Variants in G6PD observed in about 807,000 individuals in gnomAD.
The protein encoded by G6PD is glucose-6-phosphate 1-dehydrogenase.
In G6PD, 2 loss-of-function variants were observed where a neutral mutation model predicts 38.2. The observed-to-expected ratio is 0.05, with a 90% confidence interval of 0.02 to 0.16. The LOEUF is 0.16. Among genes scored for constraint, G6PD ranks in the 10% least tolerant of loss-of-function variants. The pLI is 1.00. For synonymous variants in G6PD, 188 were observed against 196.0 expected, an observed-to-expected ratio of 0.96 and a Z score of 0.34; for missense variants, 310 against 471.6, an observed-to-expected ratio of 0.66 and a Z score of 3.17.
Position 154,531,801 on chromosome X carries a change from A to G in G6PD, c.*199T>C. On this transcript the variant is annotated 3_prime_UTR_variant, in exon 13 of 13. Coordinates refer to ENST00000393562, the MANE Select transcript of G6PD (RefSeq NM_001360016.2). ...GGCTCAGGCAGGGTCTGGAGGGGCC[A>G]GGATGGTCTCGAGTGCTTGGCAGCT... 1.6e-6 allele frequency: 1 copy of G among 616,706 alleles called. No homozygotes were observed. Among genetic ancestry groups the G allele is most frequent in the Non-Finnish European group, 2.5e-6 (1 of 403,959 alleles). The allele number at this position is 616,706 out of a possible 1,213,427, so 50.8% of individuals were successfully genotyped here.
At chrX:154,534,001 T>C in intron 7 of G6PD, 34 bp downstream of exon 7, 2 of 1,210,724 alleles carry the variant, frequency 1.7e-6, no homozygotes, top group Non-Finnish European at 2.2e-6. Flanking sequence ...TGCCACCCTG[T>C]GCCAGCCTCC....
In G6PD at chrX:154,532,042, C is replaced by G. The variant is rs1447713922; in HGVS notation, c.1506G>C (p.Gln502His). Reference sequence around the variant, plus strand: ...TCACCCACTTGTAGGTGCCCTCATACTGGAAACCCACTCTCTTCATCAGCT... The same window carrying G: ...TCACCCACTTGTAGGTGCCCTCATAGTGGAAACCCACTCTCTTCATCAGCT... Reference protein sequence around the residue: ...ADELMKRVGFQYEGTYKWVNP... With the variant: ...ADELMKRVGFHYEGTYKWVNP... The change falls in exon 13 of 13, where the codon CAG (glutamine) becomes CAC (histidine). Residue 502 changes from glutamine (Q) to histidine (H), a missense_variant. Gln to His is a conservative substitution (Grantham distance 24). Coordinates refer to ENST00000393562, the MANE Select transcript of G6PD (RefSeq NM_001360016.2). 8.3e-7 allele frequency: 1 copy of G among 1,208,813 alleles called. No homozygotes were observed. Among genetic ancestry groups the G allele is most frequent in the East Asian group, 3.0e-5 (1 of 33,724 alleles).
chrX:154,535,084 G>A (rs1557230539), intron 5 of G6PD, 84 bp downstream of exon 5: 5 of 971,142 alleles, frequency 5.1e-6, no homozygotes, highest in East Asian at 3.1e-5. Context: ...CCAGATCCCC[G>A]GCCCCGGACA....
chrX:154,537,588 C>A (rs1228710543), intron 2 of G6PD, among the ~76,000 whole-genome samples: 6 of 112,417 alleles, frequency 5.3e-5, no homozygotes, highest in South Asian at 7.3e-4. Context: ...GCACTCCAGC[C>A]TGGGCTACAA....
At chrX:154,534,992 A>G in intron 5 of G6PD, 176 bp downstream of exon 5, 1 of 509,650 alleles carries the variant, frequency 2.0e-6, no homozygotes, top group Non-Finnish European at 3.4e-6. Flanking sequence ...TTGGGGAAGC[A>G]GAGCGGAAAG....
rs1557230778 is a variant in G6PD, at chrX:154,536,027, G to A, written c.177C>T (p.Gly59=). Residue 59 remains glycine, a synonymous_variant, in exon 4 of 13, where the codon GGC becomes GGT. Coordinates refer to ENST00000393562, the MANE Select transcript of G6PD (RefSeq NM_001360016.2). ...CGATGAAGGTGTTTTCGGGCAGAAG[G>A]CCATCCCGGAACAGCCACCTGAGGG... The part of the protein sequence containing the change: ...YPTIWWLFRD[G]LLPENTFIVG... 2.5e-6 allele frequency: 3 copies of A among 1,211,753 alleles called. No homozygotes were observed. The highest frequency in any genetic ancestry group is 1.1e-6 in the Non-Finnish European group (1 of 895,169).
chrX:154,535,464 A>G (rs2070397469), intron 4 of G6PD, 79 bp from the exon 5 acceptor site: 1 of 939,446 alleles, frequency 1.1e-6, no homozygotes, highest in Non-Finnish European at 1.5e-6. Context: ...GCCCCAGGGG[A>G]GTGGAGGGTC....
At chrX:154,536,117 G>GTGA in intron 3 of G6PD, 24 bp downstream of exon 3, 2 of 1,210,990 alleles carry the variant, frequency 1.7e-6, no homozygotes, top group African/African-American at 3.5e-5. Context: ...GGAGGTCACA[G>GTGA]GGGCAGTGGT....
chrX:154,544,410 T>G, intron 2 of G6PD, among the ~76,000 whole-genome samples: 1 of 111,420 alleles, frequency 9.0e-6, no homozygotes, highest in Non-Finnish European at 1.9e-5. Flanking sequence ...TCTGCCCACC[T>G]TGGCCCCCCA....
chrX:154,542,705 G>C (rs782431835), intron 2 of G6PD, among the ~76,000 whole-genome samples: 131 of 112,194 alleles, frequency 1.2e-3, no homozygotes, highest in Non-Finnish European at 1.9e-3. Context: ...TCTAGGTCAT[G>C]CTGAGCTTGT....
intron 4 of G6PD, 45 bp from the exon 5 acceptor site, chrX:154,535,430 T>C (rs2070397025): frequency 5.5e-6 from 6 of 1,089,291 alleles, no homozygotes; most frequent in Non-Finnish European, 7.5e-6. Context: ...TGTCAGCCCC[T>C]CTCTTTGAGT....
At position 154,543,079 on chromosome X, in the gene G6PD, C is replaced by A. The variant is rs781843389; in HGVS notation, c.120+2957G>T. ...AGTGAGGCATCAGGCGTGGAAGAAG[C>A]CTGGGAGCCGGAGCTGTTCCAGGTG... On this transcript the variant is annotated intron_variant, in intron 2 of 12. Coordinates refer to ENST00000393562, the MANE Select transcript of G6PD (RefSeq NM_001360016.2). Among the ~76,000 whole-genome samples the A allele has an allele frequency of 3.6e-5, 4 of 112,155 alleles. No homozygotes were observed. The East Asian group carries it at 1.1e-3, about 31-fold the overall frequency.
intron 2 of G6PD, chrX:154,542,561 G>T: frequency 1.0e-6 from 1 of 995,740 alleles, no homozygotes. Flanking sequence ...AGGAAGCTGG[G>T]TGTGTGGGCA....
At chrX:154,537,002 G>T (rs1358323514) in intron 2 of G6PD, among the ~76,000 whole-genome samples, 4 of 112,530 alleles carry the variant, frequency 3.6e-5, no homozygotes, top group South Asian at 3.6e-4. Context: ...CCCTGGCATG[G>T]TTGCTTTTTT....
intron 1 of G6PD, 61 bp from the exon 2 acceptor site, chrX:154,546,224 C>T (rs781992978): frequency 1.7e-6 from 2 of 1,192,712 alleles, no homozygotes; most frequent in Non-Finnish European, 2.3e-6. Flanking sequence ...GAAGTTAGCC[C>T]CTTTCTTGAG....
rs782614320 is a variant in G6PD, at chrX:154,542,464, G to A, written c.120+3572C>T. ...TCTGGAAGGGGGCAGTAAGTACCTC[G>A]GCTCCCTTTCTGGTAGGGGTGGGAG... On this transcript the variant is annotated intron_variant, in intron 2 of 12. Transcript: ENST00000393562. The A allele has an allele frequency of 6.8e-5, 80 of 1,168,882 alleles. No individual in the cohort carries two copies. The Admixed American group carries it at 8.0e-4, about 12-fold the overall frequency.
chrX:154,532,708 G>C lies in G6PD; in HGVS notation c.1146C>G (p.His382Gln), dbSNP rs138746997. The C allele has an allele frequency of 3.3e-5, 40 of 1,211,142 alleles. No individual in the cohort carries two copies. The highest frequency in any genetic ancestry group is 4.2e-5 in the Non-Finnish European group (38 of 895,427). Residue 382 changes from histidine to glutamine, a missense_variant, in exon 10 of 13, where the codon CAC becomes CAG. By Grantham distance (24) the His-to-Gln change is conservative. Around this residue, in one of 4 missense-constraint regions of G6PD, gnomAD observed 168 missense variants for 309.2 expected, o/e 0.54. Coordinates refer to ENST00000393562, the MANE Select transcript of G6PD (RefSeq NM_001360016.2). ...QFHDVAGDIF[H>Q]QQCKRNELVI... ...CCAGCTCGTTGCGCTTGCACTGCTG[G>C]TGGAAGATGTCGCCGGCCACATCAT...
At chrX:154,544,945 A>C (rs149902811) in intron 2 of G6PD, among the ~76,000 whole-genome samples, 1,430 of 112,522 alleles carry the variant, frequency 0.013, 25 homozygotes, top group African/African-American at 0.044. Context: ...CTCCTGCTCA[A>C]GGTTACAAGG....
chrX:154,545,871 T>A, intron 2 of G6PD, 165 bp downstream of exon 2: 13 of 507,418 alleles, frequency 2.6e-5, no homozygotes, highest in Non-Finnish European at 3.9e-5. Flanking sequence ...TGCAAGTGCA[T>A]ATGCACACCA....
Sources: gnomAD v4.1 joint callset for allele counts (sites outside exome capture counted in the v4.1 genomes callset) on GRCh38, gnomAD v4.1.1 for gene constraint, gnomAD v4.1.1 regional missense constraint, MANE v1.5 for transcripts, NCBI Gene and HGNC (gene_info 2026-07-23, HGNC 2026-07-21) for gene names.